The following NOS1AP variants were observed in gnomAD, a reference collection of about 807,000 sequenced individuals.
NOS1AP encodes the protein nitric oxide synthase 1 adaptor protein, also known as carboxyl-terminal PDZ ligand of neuronal nitric oxide synthase protein.
NOS1AP carries 21 observed loss-of-function variants against 56.2 expected under a neutral mutation model. The ratio of observed to expected loss-of-function variants is 0.37; its 90% confidence interval spans 0.26 to 0.54. NOS1AP has a LOEUF of 0.54. NOS1AP is among the 20% of genes least tolerant of loss of function. NOS1AP has a pLI of 0.84. For synonymous variants in NOS1AP, 270 were observed against 274.6 expected (o/e 0.98, Z 0.17); for missense variants, 522 against 657.8 (o/e 0.79, Z 2.26).
chr1:162,174,756 ACTTGTTCATATTTC>A (rs1557819315), intron 2 of NOS1AP, among the ~76,000 whole-genome samples: 2 of 152,136 alleles, frequency 1.3e-5, no homozygotes, highest in Non-Finnish European at 2.9e-5. Context: ...TAAAATCCAT[ACTTGTTCATATTTC>A]CTTAGTTTTC....
chr1:162,239,622 TA>T (rs1653418606), intron 2 of NOS1AP, among the ~76,000 whole-genome samples: 1 of 152,124 alleles, frequency 6.6e-6, no homozygotes, highest in Non-Finnish European at 1.5e-5. Context: ...CTGTGAGTCA[TA>T]AGCCCCCAAG....
intron 1 of NOS1AP, among the ~76,000 whole-genome samples, chr1:162,110,812 C>T (rs930759613): frequency 3.3e-5 from 5 of 152,176 alleles, no homozygotes; most frequent in African/African-American, 1.2e-4. Context: ...GTTGTATTTG[C>T]TGTGTGACAT....
At chr1:162,070,805 G>C (rs1123217) in intron 1 of NOS1AP, among the ~76,000 whole-genome samples, 11,876 of 152,010 alleles carry the variant, frequency 0.078, 867 homozygotes, top group African/African-American at 0.2. Context: ...CTTCCTAAAT[G>C]GCTAATTTGC....
rs182912077 is a variant in NOS1AP at position 162,082,043 on chromosome 1, A to G, written c.105+11761A>G. On this transcript the variant is annotated intron_variant, in intron 1 of 9. Coordinates refer to ENST00000361897, the MANE Select transcript of NOS1AP (RefSeq NM_014697.3). ...AGATTATTTCATCACTCAGGTATTA[A>G]ACCTAGGACTCATTCGTTCTTTTTC... Among the ~76,000 whole-genome samples, 558 of 151,854 alleles carry G rather than the reference A, an allele frequency of 3.7e-3. 2 individuals are homozygous for G. Among genetic ancestry groups the G allele is most frequent in the Non-Finnish European group, 6.7e-3 (456 of 67,894 alleles).
Position 162,255,490 on chromosome 1 carries a change from ATTTTTTTTTTTTTTTTTT to A in NOS1AP, c.178-31836_178-31819del, listed in dbSNP as rs35637289. Among the ~76,000 whole-genome samples the A allele has an allele frequency of 3.3e-4, 20 of 60,998 alleles. No individual in the cohort carries two copies. The South Asian group carries it at 5.3e-3, about 16-fold the overall frequency. The allele number at this position is 60,998 out of a possible 152,430, so 40.0% of individuals were successfully genotyped here. On this transcript the variant is annotated intron_variant, in intron 2 of 9. Transcript: ENST00000361897. ...ATGCATAGGTTATTTGCTGCTGCTGATTTTTTTTTTTTTTTTTTTTTTTTTTTTTTTTTTTGGTAAGAT... is the reference window on the plus strand; with the variant it reads ...ATGCATAGGTTATTTGCTGCTGCTGATTTTTTTTTTTTTTTTTGGTAAGAT...
intron 3 of NOS1AP, among the ~76,000 whole-genome samples, chr1:162,298,135 C>A (rs1289177681): frequency 6.6e-6 from 1 of 152,242 alleles, no homozygotes; most frequent in East Asian, 1.9e-4. Context: ...ACCCAGGCCC[C>A]CGTGGCTGAG....
intron 1 of NOS1AP, among the ~76,000 whole-genome samples, chr1:162,153,737 G>A (rs190395886): frequency 3.8e-4 from 58 of 152,322 alleles, no homozygotes; most frequent in East Asian, 3.9e-4. Context: ...AAAGAGAGAT[G>A]TACATCAACT....
chr1:162,233,331 CGGGG>C (rs1173288128), intron 2 of NOS1AP, among the ~76,000 whole-genome samples: 3 of 152,152 alleles, frequency 2.0e-5, no homozygotes, highest in Non-Finnish European at 4.4e-5. Context: ...TGGTGGCTGG[CGGGG>C]TAGTTGTACT....
At chr1:162,180,576 CA>C (rs1372383754) in intron 2 of NOS1AP, among the ~76,000 whole-genome samples, 2 of 152,160 alleles carry the variant, frequency 1.3e-5, no homozygotes, top group African/African-American at 4.8e-5. Context: ...CCCATTTTAG[CA>C]GCCTGGAGCG....
intron 2 of NOS1AP, among the ~76,000 whole-genome samples, chr1:162,284,064 G>A (rs757388734): frequency 6.6e-6 from 1 of 152,188 alleles, no homozygotes; most frequent in Non-Finnish European, 1.5e-5. Flanking sequence ...CTCCACCTTG[G>A]AGCAGCACCG....
chr1:162,235,207 C>T (rs1260041917), intron 2 of NOS1AP, among the ~76,000 whole-genome samples: 3 of 152,064 alleles, frequency 2.0e-5, no homozygotes, highest in African/African-American at 7.2e-5. Context: ...AAAGCTTTTC[C>T]CCCATAGAAG....
chr1:162,097,223 T>A (rs1692264890), intron 1 of NOS1AP, among the ~76,000 whole-genome samples: 1 of 152,184 alleles, frequency 6.6e-6, no homozygotes, highest in Non-Finnish European at 1.5e-5. Context: ...CGATTGCCTC[T>A]TCATATCTCT....
rs556193162 is a variant in NOS1AP, at chr1:162,123,777, A to T, written c.106-30628A>T. Among the ~76,000 whole-genome samples, 5 of 152,282 alleles carry T rather than the reference A, an allele frequency of 3.3e-5. No individual in the cohort carries two copies. The East Asian group carries it at 9.7e-4, about 29-fold the overall frequency. ...CTCTCTCATATTCATTGATCCCTTC[A>T]TCTATCTATATACACACACACATTG... On this transcript the variant is annotated intron_variant, in intron 1 of 9. Coordinates refer to ENST00000361897, the MANE Select transcript of NOS1AP (RefSeq NM_014697.3).
At chr1:162,263,018 T>G (rs1426745989) in intron 2 of NOS1AP, among the ~76,000 whole-genome samples, 4 of 152,258 alleles carry the variant, frequency 2.6e-5, no homozygotes, top group African/African-American at 9.6e-5. Context: ...CAAACCCATT[T>G]GATGTTTCAT....
At chr1:162,238,344 G>C (rs1653373514) in intron 2 of NOS1AP, among the ~76,000 whole-genome samples, 2 of 152,228 alleles carry the variant, frequency 1.3e-5, no homozygotes, top group Admixed American at 6.5e-5. Context: ...CATCAGCCCT[G>C]GTTGGGGATA....
At chr1:162,180,728 A>G (rs1260610738) in intron 2 of NOS1AP, among the ~76,000 whole-genome samples, 1 of 152,100 alleles carries the variant, frequency 6.6e-6, no homozygotes, top group Non-Finnish European at 1.5e-5. Flanking sequence ...GCCAACGACA[A>G]CGTGAGCTTG....
chr1:162,261,512 GAGAGAGAGAGAGAGAGAGAGAGA>G lies in NOS1AP; in HGVS notation c.178-25831_178-25809del, dbSNP rs1229041281. Among the ~76,000 whole-genome samples, 48 of 19,974 alleles carry G rather than the reference GAGAGAGAGAGAGAGAGAGAGAGA, an allele frequency of 2.4e-3. 15 individuals carry two copies. The highest frequency in any genetic ancestry group is 6.9e-3 in the African/African-American group (45 of 6,548). 13.1% of individuals were successfully genotyped at this position (19,974 alleles called of 152,430 possible). Reference sequence around the variant, plus strand: ...AGAGAGAGAGAGAGAGAGAGAGAGAGAGAGAGAGAGAGAGAGAGAGAGAGAGAGAGAGAGCAATGAAATGACTG... The same window carrying G: ...AGAGAGAGAGAGAGAGAGAGAGAGAGGAGAGAGAGAGCAATGAAATGACTG... On this transcript the variant is annotated intron_variant, in intron 2 of 9. Coordinates refer to ENST00000361897, the MANE Select transcript of NOS1AP (RefSeq NM_014697.3).
intron 1 of NOS1AP, among the ~76,000 whole-genome samples, chr1:162,130,787 G>A (rs1304126599): frequency 1.3e-5 from 2 of 152,110 alleles, no homozygotes; most frequent in South Asian, 2.1e-4. Context: ...ACATTTGGTG[G>A]GTGAATGGAT....
At chr1:162,135,107 C>T (rs1405127003) in intron 1 of NOS1AP, among the ~76,000 whole-genome samples, 4 of 152,234 alleles carry the variant, frequency 2.6e-5, no homozygotes, top group African/African-American at 7.2e-5. Context: ...AGGTGTTTGC[C>T]TTTCTGTGCT....
Sources: gnomAD v4.1 joint callset for allele counts (sites outside exome capture counted in the v4.1 genomes callset) on GRCh38, gnomAD v4.1.1 for gene constraint, MANE v1.5 for transcripts, NCBI Gene and HGNC (gene_info 2026-07-23, HGNC 2026-07-21) for gene names.